NUMB: variants seen among roughly 807,000 people sequenced by gnomAD.
NUMB encodes the protein protein numb homolog.
Under a neutral mutation model 59.7 loss-of-function variants are expected in NUMB, and 29 were observed. The observed-to-expected ratio is 0.49, with a 90% CI of 0.36 to 0.66. NUMB has a LOEUF of 0.66. NUMB is among the 30% of genes least tolerant of loss of function. The probability of loss-of-function intolerance (pLI) is 0.00; values close to 1 mark genes in which losing one functional copy is unlikely to be tolerated. For missense variants in NUMB, 723 were observed against 822.0 expected (o/e 0.88, Z 1.47); for synonymous variants, 288 against 288.2 (o/e 1.00, Z 0.01).
chr14:73,279,959 C>A (rs1283155395), intron 11 of NUMB, among the ~76,000 whole-genome samples: 1 of 152,178 alleles, frequency 6.6e-6, no homozygotes, highest in Non-Finnish European at 1.5e-5. Flanking sequence ...GAGTTCGAGA[C>A]CAGCCTGGCC....
Position 73,277,305 on chromosome 14 carries a change from A to G in NUMB, c.1241-12T>C. 6.4e-7 allele frequency: 1 copy of G among 1,574,594 alleles called. No homozygotes were observed. The highest frequency in any genetic ancestry group is 8.7e-7 in the Non-Finnish European group (1 of 1,152,880). On this transcript the variant is annotated splice_polypyrimidine_tract_variant and intron_variant, in intron 12 of 12. Transcript: ENST00000555238. ...ACCCCACTCGGTCCCTGGAACCAAC[A>G]AGATGAGAGACAAAAGAATCAGTTA... is the stretch of plus-strand genomic sequence containing the variant.
intron 4 of NUMB, among the ~76,000 whole-genome samples, chr14:73,340,074 G>A (rs528347304): frequency 6.6e-6 from 1 of 152,330 alleles, no homozygotes; most frequent in East Asian, 1.9e-4. Context: ...TTACTGATTA[G>A]GCTCTGGCCA....
chr14:73,424,928 C>T (rs1002989095), intron 1 of NUMB, among the ~76,000 whole-genome samples: 8 of 152,204 alleles, frequency 5.3e-5, no homozygotes, highest in Non-Finnish European at 1.2e-4. Context: ...ACATATAAGT[C>T]ATAACCTAAA....
At chr14:73,438,956 C>T (rs1202423358) in intron 1 of NUMB, among the ~76,000 whole-genome samples, 2 of 152,092 alleles carry the variant, frequency 1.3e-5, no homozygotes, top group Non-Finnish European at 2.9e-5. Flanking sequence ...AAACCATTAG[C>T]ATTATTTCAG....
At chr14:73,372,053 A>G (rs2140057401) in intron 2 of NUMB, among the ~76,000 whole-genome samples, 1 of 151,732 alleles carries the variant, frequency 6.6e-6, no homozygotes, top group East Asian at 1.9e-4. Flanking sequence ...CCAACATGGT[A>G]AAAACCATGT....
At chr14:73,284,040 A>G in intron 10 of NUMB, 41 bp downstream of exon 10, 1 of 1,569,732 alleles carries the variant, frequency 6.4e-7, no homozygotes, top group Non-Finnish European at 8.8e-7. Context: ...AGAATGCTTC[A>G]GTGCTCGAGT....
chr14:73,336,600 T>G (rs1285992476), intron 4 of NUMB, among the ~76,000 whole-genome samples: 2 of 152,098 alleles, frequency 1.3e-5, no homozygotes, highest in Non-Finnish European at 2.9e-5. Flanking sequence ...CACCCCAGGC[T>G]TTCATCTGGA....
intron 2 of NUMB, among the ~76,000 whole-genome samples, chr14:73,402,808 A>C (rs1163869246): frequency 1.3e-5 from 2 of 152,232 alleles, no homozygotes; most frequent in African/African-American, 4.8e-5. Context: ...GCTCACTTTC[A>C]CAACTAAATT....
chr14:73,363,705 T>C (rs1894197404), intron 3 of NUMB, among the ~76,000 whole-genome samples: 1 of 152,112 alleles, frequency 6.6e-6, no homozygotes, highest in South Asian at 2.1e-4. Flanking sequence ...TCCCAACACT[T>C]TGGGAGGCTG....
chr14:73,329,085 C>G (rs1292164543), intron 4 of NUMB, among the ~76,000 whole-genome samples: 1 of 152,204 alleles, frequency 6.6e-6, no homozygotes, highest in African/African-American at 2.4e-5. Context: ...TCAGGCTGAT[C>G]TGGAACTCCC....
chr14:73,350,644 A>C (rs1594936529), intron 4 of NUMB, among the ~76,000 whole-genome samples: 5 of 138,348 alleles, frequency 3.6e-5, no homozygotes, highest in East Asian at 4.4e-4. Context: ...TGACCTTCCC[A>C]CCTCAGCCTC....
At chr14:73,386,469 T>C (rs1156856002) in intron 2 of NUMB, among the ~76,000 whole-genome samples, 2 of 152,192 alleles carry the variant, frequency 1.3e-5, no homozygotes, top group Non-Finnish European at 2.9e-5. Context: ...TTTTTTAACT[T>C]GTCAGCATTA....
chr14:73,429,823 A>T (rs988030986), intron 1 of NUMB, among the ~76,000 whole-genome samples: 2 of 152,020 alleles, frequency 1.3e-5, no homozygotes, highest in Non-Finnish European at 1.5e-5. Context: ...CATGCCTGTA[A>T]TCCCAGCTAT....
chr14:73,352,660 G>A (rs1319738875), intron 4 of NUMB, among the ~76,000 whole-genome samples: 11 of 144,294 alleles, frequency 7.6e-5, no homozygotes, highest in African/African-American at 2.3e-4. Flanking sequence ...TCAGCCTCCC[G>A]AGTAGCTGGG....
chr14:73,436,061 T>G (rs1269653307), intron 1 of NUMB, among the ~76,000 whole-genome samples: 1 of 151,270 alleles, frequency 6.6e-6, no homozygotes, highest in East Asian at 1.9e-4. Context: ...AAAAACAAAG[T>G]GTAGTATATT....
chr14:73,410,766 T>C (rs1896860275), intron 1 of NUMB, among the ~76,000 whole-genome samples: 1 of 152,218 alleles, frequency 6.6e-6, no homozygotes, highest in African/African-American at 2.4e-5. Context: ...CTAGTGTCTG[T>C]ATGATTTACA....
chr14:73,394,422 A>AAAG lies in NUMB; in HGVS notation c.-101+15514_-101+15515insCTT, dbSNP rs1555377801. Among the ~76,000 whole-genome samples the AAAG allele has an allele frequency of 4.1e-5, 6 of 147,840 alleles. No homozygotes were observed. The East Asian group carries it at 1.0e-3, about 25-fold the overall frequency. ...GTTTTCTTTAAAAAAAAAAAAAAAAAAGAGAGAGAGATTGTCTCACTCTGT... is the reference window on the plus strand; with the variant it reads ...GTTTTCTTTAAAAAAAAAAAAAAAAAAAGAGAGAGAGAGATTGTCTCACTCTGT... On this transcript the variant is annotated intron_variant, in intron 2 of 12. Transcript: ENST00000555238.
At chr14:73,416,696 C>T (rs543874681) in intron 1 of NUMB, among the ~76,000 whole-genome samples, 1 of 152,044 alleles carries the variant, frequency 6.6e-6, no homozygotes, top group South Asian at 2.1e-4. Flanking sequence ...CAAAAATTAG[C>T]CAGGTGTGGT....
chr14:73,398,799 T>C (rs1421814937), intron 2 of NUMB, among the ~76,000 whole-genome samples: 3 of 152,074 alleles, frequency 2.0e-5, no homozygotes, highest in Non-Finnish European at 4.4e-5. Flanking sequence ...GAGCATAAAC[T>C]GGGTAGCCAT....
Sources: gnomAD v4.1 joint callset for allele counts (sites outside exome capture counted in the v4.1 genomes callset) on GRCh38, gnomAD v4.1.1 for gene constraint, MANE v1.5 for transcripts, NCBI Gene and HGNC (gene_info 2026-07-23, HGNC 2026-07-21) for gene names.